The following HPCA variants were observed in gnomAD, a reference collection of about 807,000 sequenced individuals.
The protein encoded by HPCA is hippocalcin, also known as neuron-specific calcium-binding protein hippocalcin.
In HPCA, 4 loss-of-function variants were observed where a neutral mutation model predicts 18.2. That is an observed-to-expected ratio of 0.22 (90% CI 0.11 to 0.50). The LOEUF (loss-of-function observed/expected upper bound fraction) is 0.50, where lower values mean the gene tolerates loss of function less well. HPCA is among the 20% of genes least tolerant of loss of function. The pLI is 0.97. For missense variants in HPCA, 161 were observed against 265.8 expected, an observed-to-expected ratio of 0.61 and a Z score of 2.74; for synonymous variants, 93 against 103.5, an observed-to-expected ratio of 0.90 and a Z score of 0.61.
chr1:32,892,756 A>G (rs1225539256), intron 2 of HPCA, among the ~76,000 whole-genome samples: 1 of 152,174 alleles, frequency 6.6e-6, no homozygotes, highest in African/African-American at 2.4e-5. Flanking sequence ...TCGGTCGGGT[A>G]AAGCTGGAAG....
chr1:32,894,184 C>T lies in HPCA; in HGVS notation c.*322C>T. ...GGGGCAGTCCCCTTCTTGCAGGTCT[C>T]AGCTTGCGGGGTGGGGGGAGTCATG... On this transcript the variant is annotated 3_prime_UTR_variant, in exon 4 of 4. Transcript: ENST00000373467. The T allele has an allele frequency of 3.0e-6, 1 of 330,896 alleles. No individual in the cohort carries two copies. Among genetic ancestry groups the T allele is most frequent in the Non-Finnish European group, 5.6e-6 (1 of 179,596 alleles). 20.5% of individuals were successfully genotyped at this position (330,896 alleles called of 1,614,324 possible).
In HPCA at chr1:32,889,355, A is replaced by G. The variant is rs947844690; in HGVS notation, c.378+79A>G. 8 of 1,430,782 alleles carry G rather than the reference A, an allele frequency of 5.6e-6. No individual in the cohort carries two copies. The highest frequency in any genetic ancestry group is 7.5e-6 in the Non-Finnish European group (8 of 1,060,544). 88.6% of individuals were successfully genotyped at this position (1,430,782 alleles called of 1,614,324 possible). On this transcript the variant is annotated intron_variant, in intron 2 of 3. Coordinates refer to ENST00000373467, the MANE Select transcript of HPCA (RefSeq NM_002143.3). This position sits in a 1 kb window ranked among gnomAD's most constrained non-coding sequence, Gnocchi z 4.6. Reference sequence around the variant, plus strand: ...CACCACCCCTTTTGATCCTCTCAGCAGACCTCGTAGGCATGTGGTGGCAGG... The same window carrying G: ...CACCACCCCTTTTGATCCTCTCAGCGGACCTCGTAGGCATGTGGTGGCAGG...
At position 32,893,965 on chromosome 1, in the gene HPCA, C is replaced by T. The variant is rs1250789353; in HGVS notation, c.*103C>T. 4 of 895,992 alleles carry T rather than the reference C, an allele frequency of 4.5e-6. No individual in the cohort carries two copies. The highest frequency in any genetic ancestry group is 6.9e-6 in the Non-Finnish European group (4 of 577,534). The allele number at this position is 895,992 out of a possible 1,614,324, so 55.5% of individuals were successfully genotyped here. A position where few individuals can be genotyped will look rare whatever the true frequency, so the allele number is the denominator to read the frequency against. On this transcript the variant is annotated 3_prime_UTR_variant, in exon 4 of 4. Transcript: ENST00000373467. The surrounding 1 kb of genome is among the most constrained non-coding windows in gnomAD (Gnocchi z 7.5). ...CTGGCTGGGGGCCAGATTGGGGAAG[C>T]CCTTCTCCCCGGGTCTGCCCTGTGG...
chr1:32,888,861 C>A lies in HPCA; in HGVS notation c.-21-17C>A. 1 of 1,579,698 alleles carries A rather than the reference C, an allele frequency of 6.3e-7. No individual in the cohort carries two copies. Among genetic ancestry groups the A allele is most frequent in the Non-Finnish European group, 8.6e-7 (1 of 1,164,042 alleles). On this transcript the variant is annotated splice_polypyrimidine_tract_variant and intron_variant, in intron 1 of 3. Transcript: ENST00000373467. ...CCTGATCACTCCTCTCTGCCCTTGA[C>A]CCCCTTGGGGACCCAGGTGGGACTT...
Position 32,889,885 on chromosome 1 carries a change from G to A in HPCA, c.378+609G>A, listed in dbSNP as rs1282081109. 6.6e-6 allele frequency among the ~76,000 whole-genome samples: 1 copy of A among 152,202 alleles called. No individual in the cohort carries two copies. Among genetic ancestry groups the A allele is most frequent in the Non-Finnish European group, 1.5e-5 (1 of 68,044 alleles). On this transcript the variant is annotated intron_variant, in intron 2 of 3. Transcript: ENST00000373467. The surrounding 1 kb of genome is among the most constrained non-coding windows in gnomAD (Gnocchi z 4.6). ...TTTCTGCAGAGCACAGTCCAGCTAT[G>A]TCTAGTTGATCCTCATTTACACCAG...
rs371096214 is a variant in HPCA at position 32,893,382 on chromosome 1, C to A, written c.379-142C>A. On this transcript the variant is annotated intron_variant, in intron 2 of 3. Coordinates refer to ENST00000373467, the MANE Select transcript of HPCA (RefSeq NM_002143.3). This position sits in a 1 kb window ranked among gnomAD's most constrained non-coding sequence, Gnocchi z 7.5. ...GGACACGCCTTCCCGAAGCCCTCGG[C>A]TCCCCACGCCTCCGTGATTCCCCAC... 39 of 640,998 alleles carry A rather than the reference C, an allele frequency of 6.1e-5. No individual in the cohort carries two copies. In the African/African-American group the frequency reaches 6.8e-4, roughly 11 times the overall value. The allele number at this position is 640,998 out of a possible 1,614,324, so 39.7% of individuals were successfully genotyped here. A position where few individuals can be genotyped will look rare whatever the true frequency, so the allele number is the denominator to read the frequency against.
chr1:32,890,395 C>A (rs939045398), intron 2 of HPCA, among the ~76,000 whole-genome samples: 1 of 152,236 alleles, frequency 6.6e-6, no homozygotes, highest in African/African-American at 2.4e-5. Flanking sequence ...CTCAGCCCAG[C>A]CTTGAAGATG....
In HPCA at chr1:32,893,661, G is replaced by C. The variant is rs185706490; in HGVS notation, c.484+32G>C. ...GGCAGGGGCGGGACGGGGTGGACGGGGCGGGCGCCTTTCCCTCCCTCCCTC... is the reference window on the plus strand; with the variant it reads ...GGCAGGGGCGGGACGGGGTGGACGGCGCGGGCGCCTTTCCCTCCCTCCCTC... On this transcript the variant is annotated intron_variant, in intron 3 of 3. Transcript: ENST00000373467. The surrounding 1 kb of genome is among the most constrained non-coding windows in gnomAD (Gnocchi z 7.5). 14,905 of 1,557,584 alleles carry C rather than the reference G, an allele frequency of 9.6e-3. 196 individuals carry two copies. Among genetic ancestry groups the C allele is most frequent in the South Asian group, 0.04 (3,576 of 89,222 alleles).
intron 2 of HPCA, among the ~76,000 whole-genome samples, chr1:32,891,227 A>C (rs913472943): frequency 6.6e-6 from 1 of 152,236 alleles, no homozygotes; most frequent in African/African-American, 2.4e-5. Flanking sequence ...TGGTGCACAC[A>C]GAGCTCTGCA....
upstream of HPCA, chr1:32,886,104 G>A (rs1641357779): frequency 6.6e-6 from 1 of 152,454 alleles, no homozygotes; most frequent in Non-Finnish European, 1.5e-5. This position sits in a 1 kb window ranked among gnomAD's most constrained non-coding sequence, Gnocchi z 7.0. Context: ...GAAGCGACGT[G>A]CGGCTCAGAG....
Sources: allele counts gnomAD v4.1 joint callset (sites outside exome capture counted in the v4.1 genomes callset), GRCh38; gene constraint gnomAD v4.1.1; non-coding constraint Gnocchi (gnomAD v3.1); transcripts MANE v1.5; gene names NCBI Gene and HGNC (gene_info 2026-07-23, HGNC 2026-07-21).